Variants in BICD2 observed in about 807,000 individuals in gnomAD.
BICD2 encodes the protein BICD cargo adaptor 2.
BICD2 carries 25 observed loss-of-function variants against 72.9 expected under a neutral mutation model. The ratio of observed to expected loss-of-function variants is 0.34; its 90% CI spans 0.25 to 0.48. The LOEUF is 0.48. Among genes scored for constraint, BICD2 ranks in the 20% least tolerant of loss-of-function variants. The pLI, the probability that BICD2 is intolerant of heterozygous loss-of-function variation, is 0.99. For missense variants in BICD2, 894 were observed against 1,175.2 expected, an observed-to-expected ratio of 0.76 and a Z score of 3.50; for synonymous variants, 501 against 516.1, an observed-to-expected ratio of 0.97 and a Z score of 0.40.
intron 1 of BICD2, among the ~76,000 whole-genome samples, chr9:92,733,275 T>C (rs749022745): frequency 1.3e-5 from 2 of 152,200 alleles, no homozygotes; most frequent in Non-Finnish European, 2.9e-5. Context: ...CGGTGGCTCA[T>C]GCTTGTAATC....
chr9:92,729,046 G>A lies in BICD2; in HGVS notation c.431C>T (p.Ser144Phe). 1.2e-6 allele frequency: 2 copies of A among 1,614,182 alleles called. No individual in the cohort carries two copies. Among genetic ancestry groups the A allele is most frequent in the Non-Finnish European group, 1.7e-6 (2 of 1,180,024 alleles). The stretch of plus-strand genomic sequence containing the variant: ...CACCTCCTTCAGCTCCTGGGCCACA[G>A]AGGCCAGGCGCTCATTCTCCGACTG... ...NTQSENERLA[S>F]VAQELKEINQ... is the part of the protein sequence containing the mutation. The change falls in exon 2 of 7, where the codon TCT (serine) becomes TTT (phenylalanine). Residue 144 changes from serine (S) to phenylalanine (F), a missense_variant. Ser to Phe is a radical substitution (Grantham distance 155). Coordinates refer to ENST00000356884, the MANE Select transcript of BICD2 (RefSeq NM_001003800.2).
At chr9:92,749,123 G>A (rs1418650530) in intron 1 of BICD2, among the ~76,000 whole-genome samples, 1 of 151,974 alleles carries the variant, frequency 6.6e-6, no homozygotes, top group Non-Finnish European at 1.5e-5. Flanking sequence ...AAGGCTGCAG[G>A]AGTCCCTGCA....
chr9:92,717,745 C>A, intron 6 of BICD2, 52 bp downstream of exon 6: 1 of 1,541,202 alleles, frequency 6.5e-7, no homozygotes, highest in Non-Finnish European at 8.7e-7. Context: ...GAGGCAAGTG[C>A]TGAGGACAGC....
At chr9:92,744,496 AT>A (rs1265051936) in intron 1 of BICD2, among the ~76,000 whole-genome samples, 1 of 152,140 alleles carries the variant, frequency 6.6e-6, no homozygotes, top group Non-Finnish European at 1.5e-5. Context: ...TAGTTTCCAT[AT>A]TTACCTTACA....
Position 92,713,615 on chromosome 9 carries a change from G to T in BICD2, c.*1539C>A. On this transcript the variant is annotated 3_prime_UTR_variant, in exon 7 of 7. Transcript: ENST00000356884. ...TGTTAGCAGGGGTCCCAGTGGCTTG[G>T]GTGTCTGCAAAGTCCCTTAGGAGTA... 1 of 1,516,866 alleles carries T rather than the reference G, an allele frequency of 6.6e-7. No individual in the cohort carries two copies. Among genetic ancestry groups the T allele is most frequent in the Admixed American group, 2.0e-5 (1 of 49,926 alleles). The allele number at this position is 1,516,866 out of a possible 1,614,324, so 94.0% of individuals were successfully genotyped here.
chr9:92,762,568 C>A (rs1854394477), intron 1 of BICD2, among the ~76,000 whole-genome samples: 1 of 152,184 alleles, frequency 6.6e-6, no homozygotes, highest in Admixed American at 6.5e-5. Flanking sequence ...AGAGTACCCA[C>A]AGAAACAGGT....
intron 1 of BICD2, among the ~76,000 whole-genome samples, chr9:92,760,438 T>C (rs1307754949): frequency 6.6e-6 from 1 of 152,076 alleles, no homozygotes; most frequent in Admixed American, 6.5e-5. Context: ...GGTCCCAGGA[T>C]GATTGAGATA....
Position 92,722,780 on chromosome 9 carries a change from C to T in BICD2, c.482G>A (p.Gly161Asp). The change falls in exon 3 of 7, where the codon GGC becomes GAC. Residue 161 changes from glycine (G) to aspartate (D), a missense_variant. This residue lies in a region of BICD2 where 192 missense variants were observed against 243.6 expected (regional missense o/e 0.79). Coordinates refer to ENST00000356884, the MANE Select transcript of BICD2 (RefSeq NM_001003800.2). ...CTCCTTGATGTCATCCCGCAGGCGG[C>T]CACGCTGGATCTCCACATTCTGGTT... The part of the protein sequence containing the change: ...EINQNVEIQR[G>D]RLRDDIKEYK... 6.2e-7 allele frequency: 1 copy of T among 1,613,622 alleles called. No individual in the cohort carries two copies. Among genetic ancestry groups the T allele is most frequent in the Non-Finnish European group, 8.5e-7 (1 of 1,179,858 alleles).
At chr9:92,743,557 T>C (rs958969951) in intron 1 of BICD2, among the ~76,000 whole-genome samples, 4 of 152,116 alleles carry the variant, frequency 2.6e-5, no homozygotes, top group Admixed American at 2.0e-4. Flanking sequence ...TAAGTCTCCT[T>C]AAGTATATTA....
chr9:92,746,690 C>T (rs1011348789), intron 1 of BICD2, among the ~76,000 whole-genome samples: 3 of 152,142 alleles, frequency 2.0e-5, no homozygotes, highest in African/African-American at 7.2e-5. Flanking sequence ...AAAACTCACT[C>T]CTCATACAAG....
chr9:92,744,307 T>A (rs550294029), intron 1 of BICD2, among the ~76,000 whole-genome samples: 27 of 152,278 alleles, frequency 1.8e-4, no homozygotes, highest in Admixed American at 3.9e-4. Context: ...ACTCCATCTA[T>A]AAGAAGTCAA....
intron 1 of BICD2, among the ~76,000 whole-genome samples, chr9:92,735,191 C>T (rs1202310016): frequency 2.6e-5 from 4 of 152,204 alleles, no homozygotes; most frequent in Non-Finnish European, 5.9e-5. Context: ...TTGGCCAACA[C>T]ATGACCGCCA....
At chr9:92,718,021 C>A in intron 5 of BICD2, 73 bp from the exon 6 acceptor site, 2 of 1,526,764 alleles carry the variant, frequency 1.3e-6, no homozygotes, top group South Asian at 1.3e-5. Flanking sequence ...GGAGCAGGAT[C>A]GGGAGCCCCG....
intron 1 of BICD2, among the ~76,000 whole-genome samples, chr9:92,739,686 A>G (rs2131520313): frequency 6.6e-6 from 1 of 152,314 alleles, no homozygotes; most frequent in South Asian, 2.1e-4. Context: ...CTTCACAATC[A>G]TGCGGTCAGT....
chr9:92,715,265 T>G lies in BICD2; in HGVS notation c.2457A>C (p.Pro819=). 6.2e-7 allele frequency: 1 copy of G among 1,613,036 alleles called. No individual in the cohort carries two copies. The highest frequency in any genetic ancestry group is 8.5e-7 in the Non-Finnish European group (1 of 1,179,894). The change falls in exon 7 of 7, where the codon CCA becomes CCC. Residue 819 remains proline, a synonymous_variant. Coordinates refer to ENST00000356884, the MANE Select transcript of BICD2 (RefSeq NM_001003800.2). The part of the protein sequence containing the change: ...GRAKAAPKTK[P]ATPSVSHTCA... The stretch of plus-strand genomic sequence containing the variant: ...AGGTGTGACTTACGCTCGGTGTGGC[T>G]GGCTTGGTCTTCGGGGCGGCTTTGG...
chr9:92,731,718 C>T (rs1853683257), intron 1 of BICD2, among the ~76,000 whole-genome samples: 1 of 152,176 alleles, frequency 6.6e-6, no homozygotes, highest in Non-Finnish European at 1.5e-5. Context: ...CCAAGCTAGG[C>T]AGACCTGCAC....
intron 1 of BICD2, among the ~76,000 whole-genome samples, chr9:92,742,421 G>C (rs1853915461): frequency 7.2e-6 from 1 of 139,138 alleles, no homozygotes; most frequent in African/African-American, 2.7e-5. Flanking sequence ...GTCTCGCTCT[G>C]TTGCCCAGCC....
At chr9:92,750,437 T>C (rs1450431959) in intron 1 of BICD2, among the ~76,000 whole-genome samples, 2 of 146,008 alleles carry the variant, frequency 1.4e-5, no homozygotes, top group South Asian at 4.9e-4. Flanking sequence ...GGTTCACCCA[T>C]ATTATTGTGA....
At chr9:92,742,618 C>T (rs1175743188) in intron 1 of BICD2, among the ~76,000 whole-genome samples, 1 of 152,026 alleles carries the variant, frequency 6.6e-6, no homozygotes, top group Admixed American at 6.6e-5. Flanking sequence ...CTCCTGACCT[C>T]GTGATCCGCC....
Sources: gnomAD v4.1 joint callset for allele counts (sites outside exome capture counted in the v4.1 genomes callset) on GRCh38, gnomAD v4.1.1 for gene constraint, gnomAD v4.1.1 regional missense constraint, MANE v1.5 for transcripts, NCBI Gene and HGNC (gene_info 2026-07-23, HGNC 2026-07-21) for gene names.